Variants in USP42 observed in about 807,000 individuals in gnomAD.
USP42 encodes ubiquitin carboxyl-terminal hydrolase 42.
A neutral mutation model predicts 113.0 loss-of-function variants in USP42; 23 were observed. The observed-to-expected ratio is 0.20, with a 90% CI of 0.15 to 0.29. The LOEUF is 0.29. Among genes scored for constraint, USP42 ranks in the 10% least tolerant of loss-of-function variants. The pLI, the probability that USP42 is intolerant of heterozygous loss-of-function variation, is 1.00. For synonymous variants in USP42, 933 were observed against 699.0 expected, an observed-to-expected ratio of 1.33 and a Z score of -5.28; for missense variants, 2,174 against 1,779.8, an observed-to-expected ratio of 1.22 and a Z score of -3.99.
At chr7:6,121,570 G>A (rs1022742374) in intron 3 of USP42, among the ~76,000 whole-genome samples, 3 of 152,182 alleles carry the variant, frequency 2.0e-5, no homozygotes, top group African/African-American at 7.2e-5. Flanking sequence ...CAGAATTGAT[G>A]TTATTTCTTC....
chr7:6,137,603 C>T (rs1033620602), intron 4 of USP42, among the ~76,000 whole-genome samples: 1 of 152,138 alleles, frequency 6.6e-6, no homozygotes, highest in Admixed American at 6.6e-5. Context: ...GGTGATCCAC[C>T]CGTCTTGGCC....
chr7:6,131,836 C>G (rs11768047), intron 3 of USP42, among the ~76,000 whole-genome samples: 11,918 of 152,214 alleles, frequency 0.078, 614 homozygotes, highest in African/African-American at 0.14. Flanking sequence ...TTGTACTTGG[C>G]AGGAGGAATA....
chr7:6,085,607 T>C, the USP42 span, among the ~76,000 whole-genome samples: 1 of 141,498 alleles, frequency 7.1e-6, no homozygotes, highest in Non-Finnish European at 1.5e-5. Flanking sequence ...TATACAAATA[T>C]ATATATATAT....
At chr7:6,089,727 T>G in the USP42 span, among the ~76,000 whole-genome samples, 7 of 149,822 alleles carry the variant, frequency 4.7e-5, no homozygotes. Flanking sequence ...GAGATGGGGT[T>G]TCACCATGTT....
rs1782608142 is a variant in USP42, at chr7:6,158,790, C to T, written c.3944-660C>T. 6.6e-6 allele frequency among the ~76,000 whole-genome samples: 1 copy of T among 152,156 alleles called. No individual in the cohort carries two copies. Among genetic ancestry groups the T allele is most frequent in the East Asian group, 1.9e-4 (1 of 5,194 alleles). ...AGGATCCGAGGATGCAGTGGATGGG[C>T]TCATTCTGAGTGTGGTGCAGGCTCC... On this transcript the variant is annotated intron_variant, in intron 16 of 17. Transcript: ENST00000306177. This position sits in a 1 kb window ranked among gnomAD's most constrained non-coding sequence, Gnocchi z 4.2.
rs998464732 is a variant in USP42 at position 6,139,327 on chromosome 7, C to G, written c.656+133C>G. On this transcript the variant is annotated intron_variant, in intron 5 of 17. Coordinates refer to ENST00000306177, the MANE Select transcript of USP42 (RefSeq NM_032172.3). This position sits in a 1 kb window ranked among gnomAD's most constrained non-coding sequence, Gnocchi z 4.5. The stretch of plus-strand genomic sequence containing the variant: ...GTTCACTTTACCTTTTGGCTTTGCT[C>G]TGCCTCTTCCTTAGGTGATGTGCAT... The G allele has an allele frequency of 1.6e-6, 1 of 623,622 alleles. No homozygotes were observed. Among genetic ancestry groups the G allele is most frequent in the Non-Finnish European group, 2.6e-6 (1 of 380,604 alleles). 38.6% of individuals were successfully genotyped at this position (623,622 alleles called of 1,614,324 possible). A position where few individuals can be genotyped will look rare whatever the true frequency, so the allele number is the denominator to read the frequency against.
At chr7:6,130,594 CCA>C (rs1780799134) in intron 3 of USP42, among the ~76,000 whole-genome samples, 1 of 152,164 alleles carries the variant, frequency 6.6e-6, no homozygotes, top group East Asian at 1.9e-4. Flanking sequence ...TCAGCCTTCT[CCA>C]CCGTTAACCC....
chr7:6,082,192 G>A, the USP42 span, among the ~76,000 whole-genome samples: 1 of 151,436 alleles, frequency 6.6e-6, no homozygotes, highest in East Asian at 1.9e-4. Flanking sequence ...GCAGTGGCGC[G>A]ATCTCGGCTC....
chr7:6,106,277 A>T (rs1247134771), intron 1 of USP42, among the ~76,000 whole-genome samples: 2 of 152,216 alleles, frequency 1.3e-5, no homozygotes. Context: ...TTCTCTTATA[A>T]CGGAAATGCT....
upstream of USP42, among the ~76,000 whole-genome samples, chr7:6,103,599 C>G (rs189601655): frequency 1.3e-5 from 2 of 150,180 alleles, no homozygotes; most frequent in Non-Finnish European, 2.9e-5. Flanking sequence ...TGGGGTCAGG[C>G]GGACTTGAAG....
chr7:6,136,488 A>G lies in USP42; in HGVS notation c.553+537A>G, dbSNP rs192688504. Among the ~76,000 whole-genome samples the G allele has an allele frequency of 2.2e-3, 332 of 152,348 alleles. 1 individual carries two copies. The highest frequency in any genetic ancestry group is 7.2e-3 in the African/African-American group (301 of 41,576). ...ATGACAATATATTAAAGACTATTCA[A>G]TTTAATATAACAAATTTTAAACTAT... On this transcript the variant is annotated intron_variant, in intron 4 of 17. Coordinates refer to ENST00000306177, the MANE Select transcript of USP42 (RefSeq NM_032172.3).
intron 14 of USP42, among the ~76,000 whole-genome samples, chr7:6,153,489 A>G (rs1047168180): frequency 6.6e-6 from 1 of 152,132 alleles, no homozygotes; most frequent in Non-Finnish European, 1.5e-5. Flanking sequence ...CTAGCCTAAT[A>G]TTGGGCTTCG....
intron 3 of USP42, among the ~76,000 whole-genome samples, chr7:6,119,848 C>T (rs775649648): frequency 2.0e-5 from 3 of 152,140 alleles, no homozygotes; most frequent in African/African-American, 7.2e-5. Context: ...GGACTACAGG[C>T]ATGTGCTACA....
rs1583666879 is a variant in USP42, at chr7:6,147,916, C to T, written c.1386+24C>T. ...AGGTAACAGTCCTTAGGGAGAAGAACATTTTTATGTTAATTTTTAAAATGT... is the reference window on the plus strand; with the variant it reads ...AGGTAACAGTCCTTAGGGAGAAGAATATTTTTATGTTAATTTTTAAAATGT... On this transcript the variant is annotated intron_variant, in intron 12 of 17. Coordinates refer to ENST00000306177, the MANE Select transcript of USP42 (RefSeq NM_032172.3). 4 of 1,565,228 alleles carry T rather than the reference C, an allele frequency of 2.6e-6. No homozygotes were observed. In the African/African-American group the frequency reaches 5.5e-5, roughly 21 times the overall value.
the USP42 span, among the ~76,000 whole-genome samples, chr7:6,094,506 A>T: frequency 6.6e-6 from 1 of 151,216 alleles, no homozygotes; most frequent in African/African-American, 2.5e-5. Flanking sequence ...TCTGTTGTGG[A>T]TGTAGAAGAA....
chr7:6,154,996 T>G lies in USP42; in HGVS notation c.3442T>G (p.Ser1148Ala), dbSNP rs1429776134. ...TGTAGCCGGAGACAACTGTAACCTC[T>G]CTGATCGGTTTCACGAACACGAAAA... ...ALVAGDNCNL[S>A]DRFHEHENGK... is the part of the protein sequence containing the mutation. Residue 1148 changes from serine to alanine, a missense_variant, in exon 15 of 18, where the codon TCT (serine) becomes GCT (alanine). By Grantham distance (99) the Ser-to-Ala change is moderately conservative. Transcript: ENST00000306177. The G allele has an allele frequency of 6.4e-7, 1 of 1,564,300 alleles. No individual in the cohort carries two copies. Among genetic ancestry groups the G allele is most frequent in the South Asian group, 1.2e-5 (1 of 84,770 alleles).
chr7:6,109,477 C>G (rs1447150577), intron 1 of USP42, among the ~76,000 whole-genome samples: 1 of 152,150 alleles, frequency 6.6e-6, no homozygotes, highest in Non-Finnish European at 1.5e-5. Context: ...ACTGCAATCT[C>G]TGCCTTCCAG....
chr7:6,161,344 A>ATACAC lies in USP42; in HGVS notation c.*828_*832dup, dbSNP rs1418667488. ...AATATGGATATGCTATCAAACTGTG[A>ATACAC]TACACTTATAATTCACTGGTCCTGC... On this transcript the variant is annotated 3_prime_UTR_variant, in exon 18 of 18. Coordinates refer to ENST00000306177, the MANE Select transcript of USP42 (RefSeq NM_032172.3). 2.0e-5 allele frequency: 3 copies of ATACAC among 152,594 alleles called. No homozygotes were observed. The highest frequency in any genetic ancestry group is 7.2e-5 in the African/African-American group (3 of 41,422). The allele number at this position is 152,594 out of a possible 1,614,324, so 9.5% of individuals were successfully genotyped here. A position where few individuals can be genotyped will look rare whatever the true frequency, so the allele number is the denominator to read the frequency against.
chr7:6,112,843 C>G (rs1425303727), intron 2 of USP42, among the ~76,000 whole-genome samples: 1 of 151,792 alleles, frequency 6.6e-6, no homozygotes, highest in East Asian at 1.9e-4. Context: ...AGATTGGACA[C>G]CCCCTGGCTT....
Sources: allele counts gnomAD v4.1 joint callset (sites outside exome capture counted in the v4.1 genomes callset), GRCh38; gene constraint gnomAD v4.1.1; non-coding constraint Gnocchi (gnomAD v3.1); transcripts MANE v1.5; gene names NCBI Gene and HGNC (gene_info 2026-07-23, HGNC 2026-07-21).